The following DOCK1 variants were observed in gnomAD, a reference collection of about 807,000 sequenced individuals.
DOCK1 encodes the protein dedicator of cytokinesis protein 1.
DOCK1 carries 138 observed loss-of-function variants against 262.7 expected under a neutral mutation model. That is an observed-to-expected ratio of 0.53 (90% CI 0.46 to 0.61). The LOEUF is 0.61. Ranked by LOEUF, DOCK1 falls within the 20% of genes least tolerant of loss-of-function variation. The probability of loss-of-function intolerance (pLI) is 0.00; values close to 1 mark genes in which losing one functional copy is unlikely to be tolerated. For missense variants in DOCK1, 1,908 were observed against 2,370.7 expected (o/e 0.80, Z 4.05); for synonymous variants, 866 against 867.4 (o/e 1.00, Z 0.03).
intron 29 of DOCK1, among the ~76,000 whole-genome samples, chr10:127,324,772 A>G (rs1298878373): frequency 6.6e-6 from 1 of 152,236 alleles, no homozygotes; most frequent in Admixed American, 6.5e-5. Context: ...TTGCACAATC[A>G]GTGCATACTG....
intron 27 of DOCK1, among the ~76,000 whole-genome samples, chr10:127,151,712 C>T (rs193269328): frequency 1.3e-5 from 2 of 152,274 alleles, no homozygotes; most frequent in Admixed American, 6.5e-5. Context: ...ATAACCAGAG[C>T]GATCACAGTG....
intron 32 of DOCK1, among the ~76,000 whole-genome samples, chr10:127,357,670 C>T (rs977739838): frequency 6.6e-6 from 1 of 152,126 alleles, no homozygotes; most frequent in East Asian, 1.9e-4. Flanking sequence ...GCCTGAGAAG[C>T]GGCCAAGAGG....
At chr10:126,975,437 G>A (rs1355152182) in intron 2 of DOCK1, among the ~76,000 whole-genome samples, 1 of 152,104 alleles carries the variant, frequency 6.6e-6, no homozygotes, top group Non-Finnish European at 1.5e-5. Flanking sequence ...GCTGGTTGCC[G>A]CAGTGGACAC....
At chr10:127,377,891 CAA>C (rs71490127) in intron 35 of DOCK1, among the ~76,000 whole-genome samples, 18 of 104,712 alleles carry the variant, frequency 1.7e-4, no homozygotes, top group Admixed American at 3.0e-4. Context: ...GACTCTGTCT[CAA>C]AAAAAAAAAA....
chr10:127,135,734 TA>T (rs2050634369), intron 27 of DOCK1: 2 of 152,664 alleles, frequency 1.3e-5, no homozygotes, highest in South Asian at 4.1e-4. Context: ...ATTTTAATTT[TA>T]TTTTTTTTTG....
At chr10:127,153,632 T>C (rs1194725204) in intron 27 of DOCK1, among the ~76,000 whole-genome samples, 1 of 152,208 alleles carries the variant, frequency 6.6e-6, no homozygotes, top group Non-Finnish European at 1.5e-5. Flanking sequence ...ACCACTAAGA[T>C]ACATTTGCAA....
chr10:127,032,427 AC>A (rs2043305071), intron 18 of DOCK1, 107 bp downstream of exon 18: 1 of 1,179,988 alleles, frequency 8.5e-7, no homozygotes, highest in African/African-American at 1.6e-5. Flanking sequence ...CATGAACGTC[AC>A]CCATAAGGCA....
At position 127,025,091 on chromosome 10, in the gene DOCK1, C is replaced by CA. The variant is rs557463378; in HGVS notation, c.1551+315dup. 81 of 194,152 alleles carry CA rather than the reference C, an allele frequency of 4.2e-4. 1 individual carries two copies. The South Asian group carries it at 9.5e-3, about 23-fold the overall frequency. The allele number at this position is 194,152 out of a possible 1,614,324, so 12.0% of individuals were successfully genotyped here. A position where few individuals can be genotyped will look rare whatever the true frequency, so the allele number is the denominator to read the frequency against. ...TGTGGCATGCTGTCTTTACACCAAA[C>CA]AAAAAAACCGAGCTGCCAGCCTGTG... On this transcript the variant is annotated intron_variant, in intron 15 of 51. Coordinates refer to ENST00000623213, the MANE Select transcript of DOCK1 (RefSeq NM_001290223.2).
At chr10:126,947,018 G>A (rs1035568059) in intron 1 of DOCK1, among the ~76,000 whole-genome samples, 3 of 152,312 alleles carry the variant, frequency 2.0e-5, no homozygotes, top group Admixed American at 1.3e-4. Context: ...CCCATGACTG[G>A]GGAGAGATGC....
intron 27 of DOCK1, among the ~76,000 whole-genome samples, chr10:127,162,837 G>C (rs1278166626): frequency 1.3e-5 from 2 of 152,164 alleles, no homozygotes; most frequent in African/African-American, 4.8e-5. Context: ...CTGTGCTGGG[G>C]AACAGTTGCT....
intron 8 of DOCK1, 146 bp downstream of exon 8, chr10:126,998,395 CT>C: frequency 9.0e-7 from 1 of 1,113,742 alleles, no homozygotes; most frequent in Non-Finnish European, 1.3e-6. Context: ...CAAGAGCTGT[CT>C]TAGACAGTGT....
chr10:127,219,917 C>G lies in DOCK1; in HGVS notation c.2848-28091C>G, dbSNP rs570505771. Among the ~76,000 whole-genome samples, 27 of 152,220 alleles carry G rather than the reference C, an allele frequency of 1.8e-4. 1 individual carries two copies. The South Asian group carries it at 3.9e-3, about 22-fold the overall frequency. ...ATGTCTCTTAGTGTTGACTTACACC[C>G]TGGCAGTCCTGTGCACCATTCACAG... is the stretch of plus-strand genomic sequence containing the variant. On this transcript the variant is annotated intron_variant, in intron 27 of 51. Transcript: ENST00000623213.
intron 48 of DOCK1, among the ~76,000 whole-genome samples, chr10:127,436,129 T>C (rs7923936): frequency 0.7 from 106,176 of 152,150 alleles, 37,819 homozygotes; most frequent in African/African-American, 0.84. Flanking sequence ...ATATCCAGTG[T>C]GAAAAGTCCA....
intron 29 of DOCK1, among the ~76,000 whole-genome samples, chr10:127,263,011 C>G (rs150986594): frequency 2.8e-4 from 43 of 152,176 alleles, no homozygotes; most frequent in African/African-American, 9.9e-4. Flanking sequence ...ACCTAGCTAC[C>G]CTGCCTCTTG....
At chr10:127,177,347 C>T (rs938576668) in intron 27 of DOCK1, among the ~76,000 whole-genome samples, 1 of 152,196 alleles carries the variant, frequency 6.6e-6, no homozygotes, top group Non-Finnish European at 1.5e-5. Context: ...CCAATGACTC[C>T]TCTCGGGGAA....
intron 2 of DOCK1, among the ~76,000 whole-genome samples, chr10:126,972,443 T>C (rs961640371): frequency 6.6e-6 from 1 of 152,200 alleles, no homozygotes; most frequent in Non-Finnish European, 1.5e-5. Flanking sequence ...TTGTGTTTTC[T>C]TATTGTTGTC....
chr10:127,434,920 G>A (rs540552559), intron 48 of DOCK1, among the ~76,000 whole-genome samples: 239 of 152,236 alleles, frequency 1.6e-3, no homozygotes, highest in African/African-American at 5.0e-3. Context: ...CCAAAATGCT[G>A]GGATTACAGG....
At chr10:127,308,421 T>C (rs1014563813) in intron 29 of DOCK1, among the ~76,000 whole-genome samples, 2 of 152,194 alleles carry the variant, frequency 1.3e-5, no homozygotes, top group South Asian at 4.1e-4. Flanking sequence ...TGATCTTTTT[T>C]GTTTGTTTGT....
In DOCK1 at chr10:127,392,611, C is replaced by T. The variant is rs551467655; in HGVS notation, c.3927+7702C>T. 1.4e-3 allele frequency among the ~76,000 whole-genome samples: 217 copies of T among 152,254 alleles called. 1 individual carries two copies. Among genetic ancestry groups the T allele is most frequent in the South Asian group, 4.8e-3 (23 of 4,818 alleles). ...GGCCAGCACTTGAGCAAACAGCACA[C>T]AATCAAGAAGGTGGCCGTCACCCAG... is the stretch of plus-strand genomic sequence containing the variant. On this transcript the variant is annotated intron_variant, in intron 38 of 51. Transcript: ENST00000623213.
Sources: gnomAD v4.1 joint callset for allele counts (sites outside exome capture counted in the v4.1 genomes callset) on GRCh38, gnomAD v4.1.1 for gene constraint, MANE v1.5 for transcripts, NCBI Gene and HGNC (gene_info 2026-07-23, HGNC 2026-07-21) for gene names.